The following SUGCT variants were observed in gnomAD, a reference collection of about 807,000 sequenced individuals.
SUGCT encodes the protein succinyl-CoA:glutarate CoA-transferase.
In SUGCT, 41 loss-of-function variants were observed where a neutral mutation model predicts 55.0. That is an observed-to-expected ratio of 0.74 (90% CI 0.58 to 0.97). SUGCT has a LOEUF of 0.97. Among genes scored for constraint, SUGCT ranks in the 50% least tolerant of loss-of-function variants. The pLI, the probability that SUGCT is intolerant of heterozygous loss-of-function variation, is 0.00. For missense variants in SUGCT, 568 were observed against 547.8 expected, an observed-to-expected ratio of 1.04 and a Z score of -0.37; for synonymous variants, 187 against 200.4, an observed-to-expected ratio of 0.93 and a Z score of 0.56.
At chr7:41,000,354 G>A in the SUGCT span, among the ~76,000 whole-genome samples, 2 of 151,992 alleles carry the variant, frequency 1.3e-5, no homozygotes, top group Admixed American at 6.6e-5. Context: ...TGGTTGATAC[G>A]TCCATAATTT....
At chr7:40,247,994 CTTGTGTT>C (rs201912554) in intron 7 of SUGCT, among the ~76,000 whole-genome samples, 2 of 132,258 alleles carry the variant, frequency 1.5e-5, no homozygotes, top group East Asian at 4.6e-4. Flanking sequence ...AGTTGTGATT[CTTGTGTT>C]TTTGTTTTTT....
chr7:40,325,379 ATTG>A (rs1795975868), intron 9 of SUGCT, among the ~76,000 whole-genome samples: 1 of 152,190 alleles, frequency 6.6e-6, no homozygotes, highest in Non-Finnish European at 1.5e-5. Context: ...GTTTAAAATA[ATTG>A]TTGTATTAGT....
chr7:40,357,543 G>A (rs946660964), intron 9 of SUGCT, among the ~76,000 whole-genome samples: 2 of 152,142 alleles, frequency 1.3e-5, no homozygotes, highest in Non-Finnish European at 2.9e-5. Flanking sequence ...ATGAGAATGC[G>A]ACATGTGGTC....
At chr7:40,298,301 A>G (rs1295429363) in intron 8 of SUGCT, among the ~76,000 whole-genome samples, 5 of 152,100 alleles carry the variant, frequency 3.3e-5, no homozygotes, top group African/African-American at 1.2e-4. Flanking sequence ...GTGCATTGGG[A>G]TAGAGACTTC....
Position 40,459,124 on chromosome 7 carries a change from T to A in SUGCT, c.912T>A (p.Ile304=). The A allele has an allele frequency of 6.2e-7, 1 of 1,611,244 alleles. No homozygotes were observed. Among genetic ancestry groups the A allele is most frequent in the Non-Finnish European group, 8.5e-7 (1 of 1,178,254 alleles). Residue 304 remains isoleucine, a synonymous_variant, in exon 11 of 14, where the codon ATT becomes ATA. Coordinates refer to ENST00000335693, the MANE Select transcript of SUGCT (RefSeq NM_001193313.2). ...VCKILDLPEL[I]DNSKYKTNHL... The stretch of plus-strand genomic sequence containing the variant: ...AGATCTTGGATTTGCCTGAGTTGAT[T>A]GATAATTCCAAGTATAAAACTAACC...
chr7:40,367,211 A>G (rs545352902), intron 9 of SUGCT, among the ~76,000 whole-genome samples: 1 of 144,932 alleles, frequency 6.9e-6, no homozygotes, highest in African/African-American at 2.5e-5. Flanking sequence ...TGGGAATTGA[A>G]CAATGAGAAC....
intron 12 of SUGCT, among the ~76,000 whole-genome samples, chr7:40,730,972 G>A (rs527357158): frequency 3.3e-4 from 50 of 152,154 alleles, no homozygotes; most frequent in Non-Finnish European, 5.0e-4. Flanking sequence ...TTCAATGAAT[G>A]GACAAGTAAT....
At chr7:40,761,040 C>T (rs931135213) in intron 13 of SUGCT, among the ~76,000 whole-genome samples, 7 of 152,236 alleles carry the variant, frequency 4.6e-5, no homozygotes, top group Admixed American at 2.0e-4. Flanking sequence ...GAAACAATCA[C>T]GCATGTTTCT....
At chr7:40,802,134 A>G (rs776266109) in intron 13 of SUGCT, among the ~76,000 whole-genome samples, 1 of 152,226 alleles carries the variant, frequency 6.6e-6, no homozygotes, top group Non-Finnish European at 1.5e-5. Flanking sequence ...AATTTTGTAG[A>G]CTATGGAATA....
chr7:41,007,019 A>C, the SUGCT span, among the ~76,000 whole-genome samples: 2 of 152,306 alleles, frequency 1.3e-5, no homozygotes, highest in East Asian at 3.9e-4. Flanking sequence ...ACATAAATTT[A>C]AAGAAGAAGG....
intron 12 of SUGCT, among the ~76,000 whole-genome samples, chr7:40,685,160 A>G (rs1293254414): frequency 6.6e-6 from 1 of 151,958 alleles, no homozygotes; most frequent in Non-Finnish European, 1.5e-5. Context: ...CCTGGCTCTT[A>G]TGAGTATTTT....
chr7:40,684,401 A>C (rs2151890274), intron 12 of SUGCT, among the ~76,000 whole-genome samples: 1 of 152,314 alleles, frequency 6.6e-6, no homozygotes, highest in Admixed American at 6.5e-5. Context: ...CTCTTTAAAA[A>C]GCCTTCCTTG....
chr7:40,931,743 G>T, the SUGCT span, among the ~76,000 whole-genome samples: 7 of 152,126 alleles, frequency 4.6e-5, no homozygotes, highest in Admixed American at 4.6e-4. Context: ...ATGGTGGTTT[G>T]TATTTCTGTG....
chr7:41,018,636 A>G, the SUGCT span, among the ~76,000 whole-genome samples: 4 of 152,220 alleles, frequency 2.6e-5, no homozygotes, highest in Non-Finnish European at 5.9e-5. Flanking sequence ...TAAAAAAAAC[A>G]AAACAAAGCA....
intron 6 of SUGCT, among the ~76,000 whole-genome samples, chr7:40,219,162 C>A (rs1052488294): frequency 6.6e-6 from 1 of 152,148 alleles, no homozygotes; most frequent in Non-Finnish European, 1.5e-5. Context: ...CCAAGGTCTG[C>A]AGCTTCCCTC....
the SUGCT span, among the ~76,000 whole-genome samples, chr7:41,011,883 AT>A: frequency 6.6e-6 from 1 of 151,622 alleles, no homozygotes; most frequent in East Asian, 1.9e-4. Flanking sequence ...CCAACCCCGA[AT>A]CAGCTTGTTT....
chr7:40,182,486 C>T (rs897989264), intron 3 of SUGCT, among the ~76,000 whole-genome samples: 5 of 148,302 alleles, frequency 3.4e-5, no homozygotes, highest in East Asian at 2.0e-4. Context: ...CACTTGAACC[C>T]GGGAGGTGGA....
intron 12 of SUGCT, among the ~76,000 whole-genome samples, chr7:40,639,442 G>T (rs1800165746): frequency 6.6e-6 from 1 of 151,806 alleles, no homozygotes; most frequent in Non-Finnish European, 1.5e-5. Context: ...AACTTGAGAC[G>T]GTCACATCAA....
At chr7:40,479,767 T>C (rs998833356) in intron 11 of SUGCT, among the ~76,000 whole-genome samples, 3 of 152,154 alleles carry the variant, frequency 2.0e-5, no homozygotes, top group African/African-American at 7.2e-5. Context: ...TTCCCTGACA[T>C]AGCGAAGTTG....
Sources: allele counts gnomAD v4.1 joint callset (sites outside exome capture counted in the v4.1 genomes callset), GRCh38; gene constraint gnomAD v4.1.1; transcripts MANE v1.5; gene names NCBI Gene and HGNC (gene_info 2026-07-23, HGNC 2026-07-21).